Variants in NELL1 observed in about 807,000 individuals in gnomAD.
NELL1 encodes neural EGFL like 1.
A neutral mutation model predicts 107.4 loss-of-function variants in NELL1; 76 were observed. The ratio of observed to expected loss-of-function variants is 0.71; its 90% confidence interval spans 0.59 to 0.86. The LOEUF (loss-of-function observed/expected upper bound fraction) is 0.86, where lower values mean the gene tolerates loss of function less well. NELL1 is among the 40% of genes least tolerant of loss of function. The probability of loss-of-function intolerance (pLI) is 0.00; values close to 1 mark genes in which losing one functional copy is unlikely to be tolerated. For synonymous variants in NELL1, 353 were observed against 341.2 expected (o/e 1.03, Z -0.38); for missense variants, 1,024 against 1,005.5 (o/e 1.02, Z -0.25).
intron 12 of NELL1, among the ~76,000 whole-genome samples, chr11:21,056,693 A>C (rs893110246): frequency 6.6e-6 from 1 of 152,140 alleles, no homozygotes; most frequent in African/African-American, 2.4e-5. Flanking sequence ...ATTACATTTC[A>C]TTTTTTATTA....
At chr11:21,408,818 A>G (rs1433344322) in intron 15 of NELL1, among the ~76,000 whole-genome samples, 3 of 152,254 alleles carry the variant, frequency 2.0e-5, no homozygotes, top group African/African-American at 4.8e-5. Flanking sequence ...CAGCCAAAAA[A>G]CACATGAAAA....
At chr11:20,871,217 T>C (rs7109004) in intron 4 of NELL1, among the ~76,000 whole-genome samples, 88,087 of 152,000 alleles carry the variant, frequency 0.58, 28,552 homozygotes, top group Non-Finnish European at 0.72. Context: ...TCCCTTTGAC[T>C]GAAACCAAGT....
At position 21,372,163 on chromosome 11, in the gene NELL1, A is replaced by C. The variant is rs145048615; in HGVS notation, c.1645+1215A>C. Among the ~76,000 whole-genome samples the C allele has an allele frequency of 1.1e-3, 165 of 152,230 alleles. 1 individual carries two copies. The highest frequency in any genetic ancestry group is 3.8e-3 in the African/African-American group (158 of 41,566). On this transcript the variant is annotated intron_variant, in intron 15 of 19. Coordinates refer to ENST00000357134, the MANE Select transcript of NELL1 (RefSeq NM_006157.5). ...ACCATGTACTACCTTTGCGCAGCGC[A>C]AGAGAATTACCACATAGAGCTAAAG...
intron 14 of NELL1, among the ~76,000 whole-genome samples, chr11:21,324,582 T>A (rs1279353064): frequency 6.6e-6 from 1 of 152,066 alleles, no homozygotes; most frequent in Admixed American, 6.6e-5. Context: ...TCAACATTGA[T>A]GTTTTGTAAG....
intron 13 of NELL1, among the ~76,000 whole-genome samples, chr11:21,195,811 G>A (rs1424392869): frequency 6.6e-6 from 1 of 152,124 alleles, no homozygotes; most frequent in Non-Finnish European, 1.5e-5. Flanking sequence ...CTGCCATACT[G>A]GACAATACAG....
intron 2 of NELL1, among the ~76,000 whole-genome samples, chr11:20,755,833 G>T (rs1273152447): frequency 6.8e-6 from 1 of 146,440 alleles, no homozygotes; most frequent in East Asian, 2.0e-4. Flanking sequence ...TGGGATTATA[G>T]GCATGAGCCA....
intron 14 of NELL1, among the ~76,000 whole-genome samples, chr11:21,281,586 C>A (rs1167009971): frequency 6.6e-6 from 1 of 152,092 alleles, no homozygotes; most frequent in Admixed American, 6.5e-5. Context: ...GTGGTTACAG[C>A]AGACCTTGGA....
intron 2 of NELL1, among the ~76,000 whole-genome samples, chr11:20,721,250 T>A (rs866007712): frequency 1.3e-5 from 1 of 76,836 alleles, no homozygotes; most frequent in African/African-American, 3.7e-5. Flanking sequence ...ATATATATAT[T>A]TATTTGTTTG....
intron 13 of NELL1, among the ~76,000 whole-genome samples, chr11:21,225,721 G>A (rs151167945): frequency 0.011 from 1,636 of 152,180 alleles, 17 homozygotes; most frequent in Admixed American, 0.018. Flanking sequence ...AGTAATTGTC[G>A]CAGCAATATT....
intron 15 of NELL1, among the ~76,000 whole-genome samples, chr11:21,440,903 A>T (rs1045380655): frequency 6.6e-6 from 1 of 152,164 alleles, no homozygotes; most frequent in African/African-American, 2.4e-5. Flanking sequence ...TTTATTGCTT[A>T]TAGACCAGAA....
chr11:21,278,501 G>A lies in NELL1; in HGVS notation c.1549+49047G>A, dbSNP rs546909551. Among the ~76,000 whole-genome samples the A allele has an allele frequency of 3.9e-5, 6 of 152,096 alleles. No homozygotes were observed. The South Asian group carries it at 1.2e-3, about 32-fold the overall frequency. On this transcript the variant is annotated intron_variant, in intron 14 of 19. Coordinates refer to ENST00000357134, the MANE Select transcript of NELL1 (RefSeq NM_006157.5). ...ATAGTTTTTTCTGTATACTGGCAAT[G>A]AACAAGTGAAATTTAAAATTAAAAA... is the stretch of plus-strand genomic sequence containing the variant.
intron 15 of NELL1, among the ~76,000 whole-genome samples, chr11:21,523,608 A>G (rs1173058953): frequency 6.6e-6 from 1 of 152,134 alleles, no homozygotes; most frequent in African/African-American, 2.4e-5. Context: ...TATTCTCTGC[A>G]GAACTTCAAA....
chr11:21,258,673 T>C (rs1858830551), intron 14 of NELL1, among the ~76,000 whole-genome samples: 1 of 151,928 alleles, frequency 6.6e-6, no homozygotes, highest in Non-Finnish European at 1.5e-5. Flanking sequence ...ATTCAAAATG[T>C]TATTCTCATC....
At chr11:20,709,053 T>A (rs555631694) in intron 2 of NELL1, among the ~76,000 whole-genome samples, 21 of 152,282 alleles carry the variant, frequency 1.4e-4, no homozygotes, top group Non-Finnish European at 2.5e-4. Context: ...ACTCAGGTGG[T>A]AATGCTTGCT....
intron 13 of NELL1, among the ~76,000 whole-genome samples, chr11:21,127,614 GGAA>G (rs1281043532): frequency 4.6e-5 from 7 of 151,776 alleles, no homozygotes; most frequent in Admixed American, 2.6e-4. Flanking sequence ...AAGAGGAAGA[GGAA>G]GAAGAAGAGG....
At chr11:21,364,778 G>C (rs940865858) in intron 14 of NELL1, among the ~76,000 whole-genome samples, 2 of 152,124 alleles carry the variant, frequency 1.3e-5, no homozygotes, top group African/African-American at 4.8e-5. Context: ...GTAAATGATT[G>C]TGCCTTAAGG....
chr11:21,256,890 G>A (rs1858783624), intron 14 of NELL1, among the ~76,000 whole-genome samples: 1 of 152,060 alleles, frequency 6.6e-6, no homozygotes, highest in African/African-American at 2.4e-5. Context: ...GACATCCAGT[G>A]TTGGGTACTT....
intron 3 of NELL1, among the ~76,000 whole-genome samples, chr11:20,818,037 G>A (rs187274906): frequency 6.6e-5 from 10 of 152,226 alleles, no homozygotes; most frequent in Non-Finnish European, 1.3e-4. Context: ...AATGTCTCAC[G>A]TGCAGATGAG....
chr11:21,517,731 A>G (rs1855603830), intron 15 of NELL1, among the ~76,000 whole-genome samples: 1 of 152,182 alleles, frequency 6.6e-6, no homozygotes, highest in Non-Finnish European at 1.5e-5. Flanking sequence ...GCAAATGGTC[A>G]TGGGCAATGA....
Sources: gnomAD v4.1 joint callset for allele counts (sites outside exome capture counted in the v4.1 genomes callset) on GRCh38, gnomAD v4.1.1 for gene constraint, MANE v1.5 for transcripts, NCBI Gene and HGNC (gene_info 2026-07-23, HGNC 2026-07-21) for gene names.